RCSD1: variants seen among roughly 807,000 people sequenced by gnomAD.
RCSD1 encodes the protein capZ-interacting protein.
A neutral mutation model predicts 42.5 loss-of-function variants in RCSD1; 26 were observed. That is an observed-to-expected ratio of 0.61 (90% CI 0.45 to 0.85). The LOEUF is 0.85. RCSD1 is among the 40% of genes least tolerant of loss of function. The pLI is 0.00. For synonymous variants in RCSD1, 220 were observed against 212.2 expected (o/e 1.04, Z -0.32); for missense variants, 571 against 528.3 (o/e 1.08, Z -0.79).
chr1:167,677,218 G>A (rs956883694), intron 1 of RCSD1, among the ~76,000 whole-genome samples: 1 of 152,128 alleles, frequency 6.6e-6, no homozygotes, highest in African/African-American at 2.4e-5. Context: ...ACTCCTTGAG[G>A]GCCGTCACGG....
At chr1:167,656,234 T>C (rs1658423201) in intron 1 of RCSD1, among the ~76,000 whole-genome samples, 1 of 152,204 alleles carries the variant, frequency 6.6e-6, no homozygotes, top group Non-Finnish European at 1.5e-5. Flanking sequence ...ACCCAGGTCT[T>C]TTCAACCTGT....
At chr1:167,633,080 A>G (rs368643078) in intron 1 of RCSD1, among the ~76,000 whole-genome samples, 1 of 152,242 alleles carries the variant, frequency 6.6e-6, no homozygotes. Context: ...GGGTTACTCA[A>G]TATTCATTCT....
chr1:167,665,345 A>G (rs1658632131), intron 1 of RCSD1, among the ~76,000 whole-genome samples: 1 of 146,482 alleles, frequency 6.8e-6, no homozygotes, highest in Admixed American at 6.7e-5. Context: ...GTATAACACA[A>G]TTTGTCTGTC....
At chr1:167,686,162 AC>A (rs1659231552) in intron 3 of RCSD1, among the ~76,000 whole-genome samples, 1 of 152,086 alleles carries the variant, frequency 6.6e-6, no homozygotes, top group South Asian at 2.1e-4. Context: ...CCTTCTCCAC[AC>A]CTTATGCCAG....
intron 5 of RCSD1, among the ~76,000 whole-genome samples, chr1:167,695,062 G>T (rs1659464466): frequency 6.6e-6 from 1 of 151,906 alleles, no homozygotes; most frequent in Admixed American, 6.6e-5. Context: ...GCCATTCTAG[G>T]AAGTCCAGCT....
chr1:167,671,431 C>T (rs191684045), intron 1 of RCSD1, among the ~76,000 whole-genome samples: 1 of 152,298 alleles, frequency 6.6e-6, no homozygotes, highest in East Asian at 1.9e-4. Context: ...GCCATTTCAC[C>T]CCGGAAGGGG....
chr1:167,683,543 G>A (rs1659135179), intron 1 of RCSD1, among the ~76,000 whole-genome samples: 1 of 152,200 alleles, frequency 6.6e-6, no homozygotes, highest in Non-Finnish European at 1.5e-5. Context: ...CCCTTGTTCA[G>A]GAGGTAAGGA....
intron 6 of RCSD1, among the ~76,000 whole-genome samples, chr1:167,701,284 C>CTTTCTTTCTTTCTTTCTT (rs1473357060): frequency 6.9e-6 from 1 of 145,808 alleles, no homozygotes; most frequent in Non-Finnish European, 1.5e-5. Context: ...TTCTTTCTTT[C>CTTTCTTTCTTTCTTTCTT]TTTCTTTCTT....
At chr1:167,686,882 A>G (rs138978995) in intron 3 of RCSD1, among the ~76,000 whole-genome samples, 30 of 152,362 alleles carry the variant, frequency 2.0e-4, no homozygotes, top group African/African-American at 7.2e-4. Context: ...TTGGCCCAGG[A>G]GAAGTCACCA....
chr1:167,634,121 T>C (rs1409425168), intron 1 of RCSD1, among the ~76,000 whole-genome samples: 1 of 152,208 alleles, frequency 6.6e-6, no homozygotes, highest in Admixed American at 6.5e-5. Context: ...AGGGAACTCC[T>C]TCCCCTCTCG....
intron 1 of RCSD1, among the ~76,000 whole-genome samples, chr1:167,662,854 C>A (rs1658570089): frequency 6.6e-6 from 1 of 152,166 alleles, no homozygotes; most frequent in African/African-American, 2.4e-5. Flanking sequence ...TGCGATTCTG[C>A]CTGAACTTAT....
chr1:167,641,934 C>G (rs544499302), intron 1 of RCSD1: 1 of 152,368 alleles, frequency 6.6e-6, no homozygotes, highest in Non-Finnish European at 1.5e-5. Context: ...GTTTACTTTT[C>G]ACCCCTGCTG....
chr1:167,686,580 C>G (rs1659242197), intron 3 of RCSD1, among the ~76,000 whole-genome samples: 1 of 152,230 alleles, frequency 6.6e-6, no homozygotes, highest in African/African-American at 2.4e-5. Context: ...TCAGAATACT[C>G]TCTCCCCACT....
chr1:167,671,946 A>C (rs1169357234), intron 1 of RCSD1, among the ~76,000 whole-genome samples: 1 of 152,066 alleles, frequency 6.6e-6, no homozygotes, highest in Non-Finnish European at 1.5e-5. Flanking sequence ...CTTACCCTTC[A>C]GGCTTGGCCA....
At chr1:167,638,224 A>T (rs1298692666) in intron 1 of RCSD1, among the ~76,000 whole-genome samples, 3 of 152,208 alleles carry the variant, frequency 2.0e-5, no homozygotes, top group East Asian at 3.8e-4. Flanking sequence ...GTTTTGATGA[A>T]TAATGGGAAA....
chr1:167,640,259 G>A (rs377098701), intron 1 of RCSD1, among the ~76,000 whole-genome samples: 1 of 152,246 alleles, frequency 6.6e-6, no homozygotes, highest in African/African-American at 2.4e-5. Flanking sequence ...CAGAGTGTCA[G>A]CAGGACCTCA....
At chr1:167,679,965 C>A (rs1011712279) in intron 1 of RCSD1, among the ~76,000 whole-genome samples, 5 of 152,108 alleles carry the variant, frequency 3.3e-5, no homozygotes, top group African/African-American at 1.2e-4. Context: ...CCTCAGTTCT[C>A]GGAAGAAAGT....
intron 1 of RCSD1, among the ~76,000 whole-genome samples, chr1:167,644,644 G>A (rs1658089581): frequency 6.6e-6 from 1 of 152,182 alleles, no homozygotes; most frequent in Admixed American, 6.5e-5. Flanking sequence ...AGAGCAGTCT[G>A]GAGTAGAGCT....
At chr1:167,666,627 A>G (rs1315447813) in intron 1 of RCSD1, among the ~76,000 whole-genome samples, 2 of 152,166 alleles carry the variant, frequency 1.3e-5, no homozygotes, top group African/African-American at 2.4e-5. Flanking sequence ...GGGAGGGGAC[A>G]GTAACTGTGA....
Sources: allele counts gnomAD v4.1 joint callset (sites outside exome capture counted in the v4.1 genomes callset), GRCh38; gene constraint gnomAD v4.1.1; transcripts MANE v1.5; gene names NCBI Gene and HGNC (gene_info 2026-07-23, HGNC 2026-07-21).